CYTH3: variants seen among roughly 807,000 people sequenced by gnomAD.
The protein encoded by CYTH3 is cytohesin-3.
Under a neutral mutation model 55.1 loss-of-function variants are expected in CYTH3, and 23 were observed. That is an observed-to-expected ratio of 0.42 (90% CI 0.30 to 0.59). The LOEUF is 0.59. Ranked by LOEUF, CYTH3 falls within the 20% of genes least tolerant of loss-of-function variation. The probability of loss-of-function intolerance (pLI) is 0.20; values close to 1 mark genes in which losing one functional copy is unlikely to be tolerated. For synonymous variants in CYTH3, 249 were observed against 194.9 expected (o/e 1.28, Z -2.31); for missense variants, 413 against 524.8 (o/e 0.79, Z 2.08).
rs1418970514 is a variant in CYTH3 at position 6,259,771 on chromosome 7, ATTATAT to A, written c.34+12697_34+12702del. On this transcript the variant is annotated intron_variant, in intron 1 of 12. Coordinates refer to ENST00000350796, the MANE Select transcript of CYTH3 (RefSeq NM_004227.4). ...ATATATATATATTATATATATATAT[ATTATAT>A]ATATATAATATATATATATATATAT... Among the ~76,000 whole-genome samples the A allele has an allele frequency of 2.0e-3, 45 of 22,306 alleles. No homozygotes were observed. In the East Asian group the frequency reaches 0.027, roughly 13 times the overall value. The allele number at this position is 22,306 out of a possible 152,430, so 14.6% of individuals were successfully genotyped here.
intron 1 of CYTH3, among the ~76,000 whole-genome samples, chr7:6,204,915 A>C (rs1347019166): frequency 4.6e-5 from 7 of 152,150 alleles, no homozygotes; most frequent in African/African-American, 1.7e-4. Context: ...CTGTAATTCC[A>C]GAGCTTTGGG....
intron 1 of CYTH3, among the ~76,000 whole-genome samples, chr7:6,223,152 C>T (rs1442469305): frequency 2.0e-5 from 3 of 152,082 alleles, no homozygotes; most frequent in Non-Finnish European, 2.9e-5. Flanking sequence ...TCTGCCCGGC[C>T]GCCCCGTCTG....
At chr7:6,219,876 C>T (rs1408510666) in intron 1 of CYTH3, among the ~76,000 whole-genome samples, 1 of 151,958 alleles carries the variant, frequency 6.6e-6, no homozygotes, top group African/African-American at 2.4e-5. Flanking sequence ...GAAAAAAAGA[C>T]AAATTGGAGG....
rs530150331 is a variant in CYTH3 at position 6,248,632 on chromosome 7, C to T, written c.34+23842G>A. Among the ~76,000 whole-genome samples the T allele has an allele frequency of 2.6e-5, 4 of 152,284 alleles. No homozygotes were observed. In the East Asian group the frequency reaches 7.7e-4, roughly 29 times the overall value. On this transcript the variant is annotated intron_variant, in intron 1 of 12. Coordinates refer to ENST00000350796, the MANE Select transcript of CYTH3 (RefSeq NM_004227.4). ...TCCCAGTTCAGCTGCTCATCAATAT[C>T]GCTGCTGCACAAGCCCACCCCGGCT...
chr7:6,228,283 G>A (rs554715858), intron 1 of CYTH3, among the ~76,000 whole-genome samples: 1 of 152,304 alleles, frequency 6.6e-6, no homozygotes, highest in South Asian at 2.1e-4. Flanking sequence ...CTGGCTTAGA[G>A]GGACCTTTTC....
chr7:6,172,116 G>A (rs1704902879), intron 6 of CYTH3: 1 of 152,520 alleles, frequency 6.6e-6, no homozygotes, highest in South Asian at 2.1e-4. Context: ...TTAGCACAAG[G>A]ATCAAGACCG....
At chr7:6,175,922 T>C (rs1327620170) in intron 5 of CYTH3, among the ~76,000 whole-genome samples, 2 of 152,188 alleles carry the variant, frequency 1.3e-5, no homozygotes, top group Non-Finnish European at 2.9e-5. Context: ...TTTGGGTCCC[T>C]TGAATTTTCC....
intron 1 of CYTH3, among the ~76,000 whole-genome samples, chr7:6,202,273 C>T (rs56186744): frequency 6.6e-6 from 1 of 152,234 alleles, no homozygotes; most frequent in African/African-American, 2.4e-5. Flanking sequence ...CCCTGAGGTC[C>T]CAGCTGCTGC....
At chr7:6,262,171 A>G (rs973656809) in intron 1 of CYTH3, among the ~76,000 whole-genome samples, 3 of 152,198 alleles carry the variant, frequency 2.0e-5, no homozygotes, top group Non-Finnish European at 4.4e-5. Flanking sequence ...GGGATAAAGG[A>G]CACAGAAAAG....
intron 2 of CYTH3, among the ~76,000 whole-genome samples, chr7:6,189,213 A>T (rs1017309020): frequency 6.6e-6 from 1 of 152,116 alleles, no homozygotes; most frequent in Non-Finnish European, 1.5e-5. Context: ...CTTTATTCAC[A>T]TGCTTCTCCT....
chr7:6,271,787 T>C (rs1432127028), intron 1 of CYTH3, among the ~76,000 whole-genome samples: 4 of 152,170 alleles, frequency 2.6e-5, no homozygotes, highest in Non-Finnish European at 5.9e-5. Context: ...TCTCCGGTCT[T>C]GCCTCTGTGC....
chr7:6,170,857 G>A lies in CYTH3; in HGVS notation c.684C>T (p.Gly228=), dbSNP rs199705025. The change falls in exon 8 of 13, where the codon GGC becomes GGT. Residue 228 remains glycine (G), a synonymous_variant. Transcript: ENST00000350796. The surrounding 1 kb of genome is among the most constrained non-coding windows in gnomAD (Gnocchi z 7.8). ...FIAMNRGINE[G]GDLPEELLRN... is the part of the protein sequence containing the mutation. ...TCAGCAGCTCCTCAGGGAGGTCCCC[G>A]CCCTCGTTGATGCCGCGGTTCATGG... 3.1e-6 allele frequency: 5 copies of A among 1,612,746 alleles called. No homozygotes were observed. The highest frequency in any genetic ancestry group is 1.3e-5 in the African/African-American group (1 of 75,050).
In CYTH3 at chr7:6,164,252, GC is replaced by G; in HGVS notation, c.*691del. On this transcript the variant is annotated 3_prime_UTR_variant, in exon 13 of 13. Coordinates refer to ENST00000350796, the MANE Select transcript of CYTH3 (RefSeq NM_004227.4). Reference sequence around the variant, plus strand: ...GGCTGCACGCTGCCCCCGTGCCGGTGCCCCCAGCCCTCCCCTTGGGTGCTGT... The same window carrying G: ...GGCTGCACGCTGCCCCCGTGCCGGTGCCCCAGCCCTCCCCTTGGGTGCTGT... 1 of 152,646 alleles carries G rather than the reference GC, an allele frequency of 6.6e-6. No individual in the cohort carries two copies. Among genetic ancestry groups the G allele is most frequent in the Non-Finnish European group, 1.5e-5 (1 of 68,044 alleles). The allele number at this position is 152,646 out of a possible 1,614,324, so 9.5% of individuals were successfully genotyped here.
intron 1 of CYTH3, among the ~76,000 whole-genome samples, chr7:6,239,558 T>A (rs1208538583): frequency 6.6e-6 from 1 of 151,988 alleles, no homozygotes; most frequent in Non-Finnish European, 1.5e-5. Context: ...GAAGAAAAAT[T>A]AGAAAAGAGG....
At chr7:6,272,410 G>GGGGGGGGGGGCCCC in intron 1 of CYTH3, 64 bp downstream of exon 1, 1 of 1,216,616 alleles carries the variant, frequency 8.2e-7, no homozygotes, top group Non-Finnish European at 1.1e-6. Context: ...CCGCGCCCTC[G>GGGGGGGGGGGCCCC]ACCCCCAGCC....
rs976874524 is a variant in CYTH3, at chr7:6,164,499, G to A, written c.*445C>T. ...TTTGCTATAAAACAGTGGCTTTCTA[G>A]AACGGTTAATACTGCCCCGAGTGAA... On this transcript the variant is annotated 3_prime_UTR_variant, in exon 13 of 13. Coordinates refer to ENST00000350796, the MANE Select transcript of CYTH3 (RefSeq NM_004227.4). The A allele has an allele frequency of 6.3e-6, 1 of 159,586 alleles. No homozygotes were observed. The highest frequency in any genetic ancestry group is 1.4e-5 in the Non-Finnish European group (1 of 73,164). 9.9% of individuals were successfully genotyped at this position (159,586 alleles called of 1,614,324 possible).
chr7:6,180,708 CATT>C (rs1197823427), intron 4 of CYTH3, among the ~76,000 whole-genome samples: 1 of 152,178 alleles, frequency 6.6e-6, no homozygotes, highest in Non-Finnish European at 1.5e-5. Flanking sequence ...AGTGTTCTAA[CATT>C]ATTAGAAATG....
At chr7:6,199,573 A>AT in intron 1 of CYTH3, among the ~76,000 whole-genome samples, 1 of 152,236 alleles carries the variant, frequency 6.6e-6, no homozygotes, top group African/African-American at 2.4e-5. Flanking sequence ...AAACAAAGAC[A>AT]TTTTCAGATA....
chr7:6,263,515 G>GGCTA (rs1780408526), intron 1 of CYTH3, among the ~76,000 whole-genome samples: 1 of 152,122 alleles, frequency 6.6e-6, no homozygotes. Context: ...TTGAACACAG[G>GGCTA]GCTAGGCCCG....
Sources: gnomAD v4.1 joint callset for allele counts (sites outside exome capture counted in the v4.1 genomes callset) on GRCh38, gnomAD v4.1.1 for gene constraint, Gnocchi (gnomAD v3.1) non-coding constraint, MANE v1.5 for transcripts, NCBI Gene and HGNC (gene_info 2026-07-23, HGNC 2026-07-21) for gene names.